The following PLEKHG5 variants were observed in gnomAD, a reference collection of about 807,000 sequenced individuals.
PLEKHG5 encodes the protein pleckstrin homology and RhoGEF domain containing G5.
Under a neutral mutation model 103.8 loss-of-function variants are expected in PLEKHG5, and 52 were observed. That is an observed-to-expected ratio of 0.50 (90% CI 0.40 to 0.63). The LOEUF (loss-of-function observed/expected upper bound fraction) is 0.63, where lower values mean the gene tolerates loss of function less well. Among genes scored for constraint, PLEKHG5 ranks in the 30% least tolerant of loss-of-function variants. The probability of loss-of-function intolerance (pLI) is 0.00; values close to 1 mark genes in which losing one functional copy is unlikely to be tolerated. For synonymous variants in PLEKHG5, 592 were observed against 575.5 expected (o/e 1.03, Z -0.41); for missense variants, 1,205 against 1,347.6 (o/e 0.89, Z 1.66).
intron 1 of PLEKHG5, among the ~76,000 whole-genome samples, chr1:6,509,800 C>T (rs1032548247): frequency 6.6e-6 from 1 of 152,218 alleles, no homozygotes; most frequent in Non-Finnish European, 1.5e-5. Context: ...GGAGAGAGCC[C>T]CCCAGGGTGT....
Position 6,474,367 on chromosome 1 carries a change from G to A in PLEKHG5, c.439+84C>T. 3.2e-6 allele frequency: 5 copies of A among 1,540,864 alleles called. No individual in the cohort carries two copies. The South Asian group carries it at 4.6e-5, about 14-fold the overall frequency. On this transcript the variant is annotated intron_variant, in intron 6 of 20. Coordinates refer to ENST00000377728, the MANE Select transcript of PLEKHG5 (RefSeq NM_020631.6). Reference sequence around the variant, plus strand: ...GAGGCTGCTCAGGCCCACGACCAATGGGAACCTGAGCCTGGGAAGGGCGCC... The same window carrying A: ...GAGGCTGCTCAGGCCCACGACCAATAGGAACCTGAGCCTGGGAAGGGCGCC...
At position 6,472,428 on chromosome 1, in the gene PLEKHG5, C is replaced by A. The variant is rs557488825; in HGVS notation, c.1080+99G>T. ...TGACTTTCCTGCCCCCACCTCATTG[C>A]CAGGCACCTGCTCCTTCTGCAAAGG... On this transcript the variant is annotated intron_variant, in intron 10 of 20. Transcript: ENST00000377728. 34 of 893,804 alleles carry A rather than the reference C, an allele frequency of 3.8e-5. No individual in the cohort carries two copies. The South Asian group carries it at 4.5e-4, about 12-fold the overall frequency. The allele number at this position is 893,804 out of a possible 1,614,324, so 55.4% of individuals were successfully genotyped here. A position where few individuals can be genotyped will look rare whatever the true frequency, so the allele number is the denominator to read the frequency against.
At chr1:6,496,473 A>G, upstream of PLEKHG5, 2 of 1,587,586 alleles carry the variant, frequency 1.3e-6, no homozygotes, top group Non-Finnish European at 1.7e-6. Context: ...GAGGGTCCCC[A>G]GGCTCTCCAG....
chr1:6,485,989 C>T lies in PLEKHG5; in HGVS notation c.-88+5648G>A, dbSNP rs1008986796. 4.8e-4 allele frequency: 374 copies of T among 784,098 alleles called. 1 individual carries two copies. The highest frequency in any genetic ancestry group is 1.3e-3 in the Middle Eastern group (2 of 1,516). The allele number at this position is 784,098 out of a possible 1,614,324, so 48.6% of individuals were successfully genotyped here. ...GGGCGCTGGTGACACCCCCCCCCAC[C>T]TTGGAGACTGTGGAGCCCCTCCCCT... is the stretch of plus-strand genomic sequence containing the variant. On this transcript the variant is annotated intron_variant, in intron 1 of 20. Coordinates refer to ENST00000377728, the MANE Select transcript of PLEKHG5 (RefSeq NM_020631.6).
In PLEKHG5 at chr1:6,473,156, G is replaced by T; in HGVS notation, c.814C>A (p.Gln272Lys). 4.3e-6 allele frequency: 7 copies of T among 1,613,848 alleles called. No individual in the cohort carries two copies. The highest frequency in any genetic ancestry group is 5.9e-6 in the Non-Finnish European group (7 of 1,179,996). The change falls in exon 9 of 21, where the codon CAG (glutamine) becomes AAG (lysine). Residue 272 changes from glutamine (Q) to lysine (K), a missense_variant. Physicochemically the swap from Gln to Lys is moderately conservative, Grantham distance 53. Transcript: ENST00000377728. ...TAGGTGTGCAGCTTGCCCTCCAGCT[G>T]CTCCATCTTGTCTACCTCCTGGAAA... The part of the protein sequence containing the change: ...AFGREVDKME[Q>K]LEGKLHTYSL...
chr1:6,499,624 G>A (rs1645273723), upstream of PLEKHG5, among the ~76,000 whole-genome samples: 1 of 152,118 alleles, frequency 6.6e-6, no homozygotes, highest in African/African-American at 2.4e-5. Context: ...GGCCTGTGGG[G>A]CTTGGGGGTG....
chr1:6,484,594 G>T (rs941135756), intron 1 of PLEKHG5, among the ~76,000 whole-genome samples: 1 of 152,066 alleles, frequency 6.6e-6, no homozygotes, highest in Non-Finnish European at 1.5e-5. Context: ...AAACCCCAGA[G>T]TCTCCCCAGC....
At chr1:6,496,984 A>C (rs1237809317), upstream of PLEKHG5, 1 of 1,528,836 alleles carries the variant, frequency 6.5e-7, no homozygotes, top group Admixed American at 2.0e-5. Flanking sequence ...CTTTAGAGAC[A>C]GAGGAGCCCC....
chr1:6,518,614 G>A (rs1349830128), intron 1 of PLEKHG5, among the ~76,000 whole-genome samples: 2 of 151,834 alleles, frequency 1.3e-5, no homozygotes, highest in Non-Finnish European at 2.9e-5. Flanking sequence ...ATGTGCAGGA[G>A]GAATTTCCTG....
In PLEKHG5 at chr1:6,469,090, G is replaced by T; in HGVS notation, c.2201C>A (p.Ser734Tyr). ...GCTGCTTTTCCGCATGATGGTAGGGGAGCTGGCAGCTGAAGTGCCACTGTC... is the reference window on the plus strand; with the variant it reads ...GCTGCTTTTCCGCATGATGGTAGGGTAGCTGGCAGCTGAAGTGCCACTGTC... ...GEDSGTSAASSPTIMRKSSGS... is the reference protein window; with the variant it reads ...GEDSGTSAASYPTIMRKSSGS... Residue 734 changes from serine to tyrosine, a missense_variant, in exon 19 of 21, where the codon TCC becomes TAC. Physicochemically the swap from Ser to Tyr is moderately radical, Grantham distance 144. Transcript: ENST00000377728. The T allele has an allele frequency of 6.2e-7, 1 of 1,613,108 alleles. No individual in the cohort carries two copies. Among genetic ancestry groups the T allele is most frequent in the Non-Finnish European group, 8.5e-7 (1 of 1,179,954 alleles).
intron 1 of PLEKHG5, among the ~76,000 whole-genome samples, chr1:6,481,907 C>A (rs11805101): frequency 6.7e-6 from 1 of 149,002 alleles, no homozygotes. Context: ...GGTTTTCAGT[C>A]TTTTATGACA....
intron 1 of PLEKHG5, among the ~76,000 whole-genome samples, chr1:6,508,196 C>T (rs1179050219): frequency 6.6e-6 from 1 of 152,224 alleles, no homozygotes; most frequent in Non-Finnish European, 1.5e-5. Context: ...GGCCCCACTC[C>T]CAGGCATCCA....
At position 6,474,231 on chromosome 1, in the gene PLEKHG5, C is replaced by T. The variant is rs114755840; in HGVS notation, c.440-67G>A. On this transcript the variant is annotated intron_variant, in intron 6 of 20. Transcript: ENST00000377728. ...GGTGGAGGAGGGGGTCCCCGGTCCT[C>T]TCTCCCCGGAGGATCCACACCAAGG... The T allele has an allele frequency of 2.4e-3, 3,726 of 1,576,690 alleles. 74 individuals carry two copies. In the African/African-American group the frequency reaches 0.039, roughly 17 times the overall value.
In PLEKHG5 at chr1:6,477,632, C is replaced by A; in HGVS notation, c.-61G>T. ...GGTTGAGGGGCCCCCGGCGGTGCAGCTGCTGGCAGTCGGCGTGGTGACATA... is the reference window on the plus strand; with the variant it reads ...GGTTGAGGGGCCCCCGGCGGTGCAGATGCTGGCAGTCGGCGTGGTGACATA... On this transcript the variant is annotated 5_prime_UTR_variant, in exon 2 of 21. Transcript: ENST00000377728. 2 of 1,608,032 alleles carry A rather than the reference C, an allele frequency of 1.2e-6. No individual in the cohort carries two copies. The highest frequency in any genetic ancestry group is 1.7e-6 in the Non-Finnish European group (2 of 1,179,944).
intron 9 of PLEKHG5, 140 bp from the exon 10 acceptor site, chr1:6,472,762 C>G: frequency 1.3e-6 from 1 of 756,662 alleles, no homozygotes. Context: ...ACCCTTGACA[C>G]CACATGAGTA....
rs866406649 is a variant in PLEKHG5 at position 6,469,552 on chromosome 1, C to T, written c.1925G>A (p.Arg642Gln). 59 of 1,613,698 alleles carry T rather than the reference C, an allele frequency of 3.7e-5. No individual in the cohort carries two copies. Among genetic ancestry groups the T allele is most frequent in the Middle Eastern group, 1.6e-4 (1 of 6,084 alleles). Reference sequence around the variant, plus strand: ...GGACCAGGGCTCCTTACCAGGGTCCCGTAGCTCCCGGCACACAATCTTGTC... The same window carrying T: ...GGACCAGGGCTCCTTACCAGGGTCCTGTAGCTCCCGGCACACAATCTTGTC... ...LVDKIVCREL[R>Q]DPGSFLLIYL... The change falls in exon 17 of 21, where the codon CGG (arginine) becomes CAG (glutamine). Residue 642 changes from arginine to glutamine, a missense_variant. Transcript: ENST00000377728.
chr1:6,482,708 G>A (rs897004979), intron 1 of PLEKHG5, among the ~76,000 whole-genome samples: 1 of 152,078 alleles, frequency 6.6e-6, no homozygotes, highest in Non-Finnish European at 1.5e-5. Flanking sequence ...ATTTATTTAT[G>A]TATTTATTTA....
chr1:6,472,342 G>A (rs1644615979), intron 10 of PLEKHG5, among the ~76,000 whole-genome samples, 185 bp downstream of exon 10: 1 of 152,232 alleles, frequency 6.6e-6, no homozygotes, highest in Non-Finnish European at 1.5e-5. Flanking sequence ...TGACAAACCT[G>A]CCCGAAGCCC....
In PLEKHG5 at chr1:6,477,534, G is replaced by T; in HGVS notation, c.38C>A (p.Pro13Gln). The T allele has an allele frequency of 3.1e-6, 5 of 1,611,722 alleles. No individual in the cohort carries two copies. The South Asian group carries it at 4.4e-5, about 14-fold the overall frequency. The part of the protein sequence containing the change: ...YDGHVRFDLP[P>Q]QGSVLARNVS... ...CGGCTCCCGCCTGTGCTCACCTTGT[G>T]GGGGAAGGTCGAAGCGGACATGCCC... is the stretch of plus-strand genomic sequence containing the variant. The change falls in exon 2 of 21, where the codon CCA (proline) becomes CAA (glutamine). Residue 13 changes from proline (P) to glutamine (Q), a missense_variant. Physicochemically the swap from Pro to Gln is moderately conservative, Grantham distance 76 (BLOSUM62 -1). Transcript: ENST00000377728.
Sources: gnomAD v4.1 joint callset for allele counts (sites outside exome capture counted in the v4.1 genomes callset) on GRCh38, gnomAD v4.1.1 for gene constraint, MANE v1.5 for transcripts, NCBI Gene and HGNC (gene_info 2026-07-23, HGNC 2026-07-21) for gene names.